SPATA22: variants seen among roughly 807,000 people sequenced by gnomAD.
SPATA22 encodes the protein spermatogenesis-associated protein 22.
In SPATA22, 29 loss-of-function variants were observed where a neutral mutation model predicts 47.8. That is an observed-to-expected ratio of 0.61 (90% CI 0.45 to 0.83). The LOEUF (loss-of-function observed/expected upper bound fraction) is 0.83, where lower values mean the gene tolerates loss of function less well. SPATA22 is among the 40% of genes least tolerant of loss of function. The pLI is 0.00. For synonymous variants in SPATA22, 133 were observed against 140.9 expected (o/e 0.94, Z 0.40); for missense variants, 410 against 421.7 (o/e 0.97, Z 0.24).
At chr17:3,479,519 G>A (rs1047531282) in intron 1 of SPATA22, among the ~76,000 whole-genome samples, 5 of 152,066 alleles carry the variant, frequency 3.3e-5, no homozygotes, top group African/African-American at 9.7e-5. Context: ...CTGATGGAGC[G>A]GCCACATGAT....
At chr17:3,474,731 A>G (rs1050017437), upstream of SPATA22, among the ~76,000 whole-genome samples, 5 of 152,232 alleles carry the variant, frequency 3.3e-5, no homozygotes, top group Non-Finnish European at 7.3e-5. Context: ...TTTTTCCACC[A>G]TGTATTTGGT....
At chr17:3,446,741 C>T in intron 6 of SPATA22, 140 bp from the exon 7 acceptor site, 1 of 681,436 alleles carries the variant, frequency 1.5e-6, no homozygotes, top group Non-Finnish European at 2.4e-6. Flanking sequence ...AGTATAGTTA[C>T]TTCCCTAAAA....
upstream of SPATA22, chr17:3,513,853 A>G: frequency 7.1e-7 from 1 of 1,398,910 alleles, no homozygotes; most frequent in Non-Finnish European, 1.0e-6. Flanking sequence ...CTCTCTGCAC[A>G]GAGTCGGTGA....
intron 1 of SPATA22, among the ~76,000 whole-genome samples, chr17:3,495,475 G>A (rs893549922): frequency 6.6e-6 from 1 of 152,228 alleles, no homozygotes; most frequent in Admixed American, 6.5e-5. Context: ...TAATACAGAC[G>A]AGTGAAGCAA....
intron 5 of SPATA22, among the ~76,000 whole-genome samples, chr17:3,449,854 T>C (rs2072816330): frequency 6.7e-6 from 1 of 149,808 alleles, no homozygotes; most frequent in Admixed American, 6.7e-5. Flanking sequence ...AGTCACGAAT[T>C]TTTTTTTTTT....
intron 1 of SPATA22, chr17:3,502,968 CAAG>C (rs2074008237): frequency 6.6e-6 from 1 of 152,196 alleles, no homozygotes; most frequent in Non-Finnish European, 1.5e-5. Context: ...TACAGTCTTT[CAAG>C]AAGTCCTGCC....
chr17:3,494,515 A>G, intron 1 of SPATA22: 1 of 1,407,508 alleles, frequency 7.1e-7, no homozygotes, highest in Non-Finnish European at 1.0e-6. Flanking sequence ...ACCTTTGAAT[A>G]GAAGTTTATA....
intron 6 of SPATA22, among the ~76,000 whole-genome samples, chr17:3,448,085 A>G (rs1038223921): frequency 1.3e-5 from 2 of 152,212 alleles, no homozygotes; most frequent in Non-Finnish European, 2.9e-5. Flanking sequence ...AGATACAGGT[A>G]TAGGGAAGAA....
chr17:3,454,794 T>C (rs1841576272), intron 5 of SPATA22, among the ~76,000 whole-genome samples: 2 of 152,144 alleles, frequency 1.3e-5, no homozygotes, highest in South Asian at 4.2e-4. Context: ...GCATGATTTA[T>C]AGTCCTTTGG....
At position 3,477,162 on chromosome 17, in the gene SPATA22, T is replaced by A. The variant is rs545913563; in HGVS notation, c.-73-7764A>T. On this transcript the variant is annotated intron_variant, in intron 1 of 8. Transcript: ENST00000541913. Reference sequence around the variant, plus strand: ...AGAGCAAGACTCCGTCTCAAAAAAATAAATAAATAAATAAAAATAAAGACA... The same window carrying A: ...AGAGCAAGACTCCGTCTCAAAAAAAAAAATAAATAAATAAAAATAAAGACA... Among the ~76,000 whole-genome samples, 751 of 151,636 alleles carry A rather than the reference T, an allele frequency of 5.0e-3. 4 individuals carry two copies. Among genetic ancestry groups the A allele is most frequent in the African/African-American group, 0.012 (508 of 41,322 alleles).
At chr17:3,450,750 ACT>A (rs2072840046) in intron 5 of SPATA22, among the ~76,000 whole-genome samples, 1 of 142,348 alleles carries the variant, frequency 7.0e-6, no homozygotes, top group South Asian at 2.2e-4. Flanking sequence ...CAGCTTTACA[ACT>A]CTCTGTTCAG....
intron 7 of SPATA22, among the ~76,000 whole-genome samples, chr17:3,443,516 T>C (rs1459202541): frequency 6.6e-6 from 1 of 151,930 alleles, no homozygotes; most frequent in Non-Finnish European, 1.5e-5. Flanking sequence ...CAATTGACAA[T>C]AAATGGCCAT....
At chr17:3,501,102 T>C (rs923626956) in intron 1 of SPATA22, 26 of 152,056 alleles carry the variant, frequency 1.7e-4, no homozygotes, top group African/African-American at 6.0e-4. Context: ...GGCGTCATTG[T>C]GACTTTCAAA....
chr17:3,476,902 A>C (rs950849408), intron 1 of SPATA22, among the ~76,000 whole-genome samples: 2 of 152,218 alleles, frequency 1.3e-5, no homozygotes, highest in African/African-American at 4.8e-5. Context: ...GTCAGAAGAC[A>C]TCAGACACTT....
chr17:3,475,558 A>G (rs535233786), upstream of SPATA22: 1 of 153,506 alleles, frequency 6.5e-6, no homozygotes, highest in Admixed American at 6.4e-5. Context: ...TGATTGTGAA[A>G]AAGCATTCTG....
At chr17:3,457,646 A>AGAGAG (rs66976701) in intron 5 of SPATA22, among the ~76,000 whole-genome samples, 27,376 of 151,974 alleles carry the variant, frequency 0.18, 3,190 homozygotes, top group East Asian at 0.42. Flanking sequence ...GATCAACAGA[A>AGAGAG]TAGAGAGCCC....
At position 3,508,498 on chromosome 17, in the gene SPATA22, C is replaced by A. The variant is rs533657859; in HGVS notation, c.-74+4914G>T. 4.0e-5 allele frequency among the ~76,000 whole-genome samples: 6 copies of A among 149,756 alleles called. No homozygotes were observed. In the East Asian group the frequency reaches 1.2e-3, roughly 29 times the overall value. ...CACAACAGCAAAGACTTGGAACCAA[C>A]CCAGATGTCCAACAATGATAGACTG... On this transcript the variant is annotated intron_variant, in intron 1 of 8. Transcript: ENST00000541913.
intron 5 of SPATA22, among the ~76,000 whole-genome samples, chr17:3,453,639 C>A (rs999449060): frequency 6.6e-6 from 1 of 152,056 alleles, no homozygotes; most frequent in Non-Finnish European, 1.5e-5. Flanking sequence ...ACAGGCTGGG[C>A]ATTCTAAATC....
chr17:3,478,847 C>G (rs2073578757), intron 1 of SPATA22, among the ~76,000 whole-genome samples: 1 of 152,184 alleles, frequency 6.6e-6, no homozygotes, highest in African/African-American at 2.4e-5. Flanking sequence ...GAAAATCACC[C>G]TAGAACCTTC....
Sources: allele counts gnomAD v4.1 joint callset (sites outside exome capture counted in the v4.1 genomes callset), GRCh38; gene constraint gnomAD v4.1.1; transcripts MANE v1.5; gene names NCBI Gene and HGNC (gene_info 2026-07-23, HGNC 2026-07-21).